The following SLC24A2 variants were observed in gnomAD, a reference collection of about 807,000 sequenced individuals.
The protein encoded by SLC24A2 is sodium/potassium/calcium exchanger 2.
Under a neutral mutation model 62.0 loss-of-function variants are expected in SLC24A2, and 36 were observed. That is an observed-to-expected ratio of 0.58 (90% confidence interval 0.44 to 0.77). SLC24A2 has a LOEUF of 0.77. SLC24A2 is among the 30% of genes least tolerant of loss of function. The pLI, the probability that SLC24A2 is intolerant of heterozygous loss-of-function variation, is 0.00. For synonymous variants in SLC24A2, 358 were observed against 294.0 expected (o/e 1.22, Z -2.23); for missense variants, 846 against 817.9 (o/e 1.03, Z -0.42).
At chr9:20,155,345 G>T in the SLC24A2 span, among the ~76,000 whole-genome samples, 34 of 151,782 alleles carry the variant, frequency 2.2e-4, no homozygotes, top group African/African-American at 8.2e-4. Flanking sequence ...TACACATAGA[G>T]AAAGCAAGGA....
chr9:20,119,164 G>T, the SLC24A2 span, among the ~76,000 whole-genome samples: 2 of 152,046 alleles, frequency 1.3e-5, no homozygotes, highest in African/African-American at 4.8e-5. Flanking sequence ...ACCTAATCAA[G>T]CTTGGAAGCA....
At chr9:20,130,006 C>G in the SLC24A2 span, among the ~76,000 whole-genome samples, 2 of 150,376 alleles carry the variant, frequency 1.3e-5, no homozygotes, top group East Asian at 3.9e-4. Flanking sequence ...GCCTGCAATT[C>G]TATTTCTTCT....
At chr9:20,213,919 T>C in the SLC24A2 span, among the ~76,000 whole-genome samples, 1 of 152,234 alleles carries the variant, frequency 6.6e-6, no homozygotes, top group Non-Finnish European at 1.5e-5. Flanking sequence ...TTTCACCCTG[T>C]GTTTCCCTTA....
At chr9:19,589,083 G>C (rs1402605055) in intron 5 of SLC24A2, among the ~76,000 whole-genome samples, 1 of 152,192 alleles carries the variant, frequency 6.6e-6, no homozygotes, top group African/African-American at 2.4e-5. Context: ...TATACTCTTT[G>C]ATCTGGCATT....
the SLC24A2 span, among the ~76,000 whole-genome samples, chr9:20,194,185 T>C: frequency 6.6e-6 from 1 of 152,100 alleles, no homozygotes; most frequent in Non-Finnish European, 1.5e-5. Flanking sequence ...AAAATGTCTT[T>C]TAAGCATGTC....
chr9:19,550,674 G>A (rs1282475838), intron 7 of SLC24A2, among the ~76,000 whole-genome samples: 1 of 149,772 alleles, frequency 6.7e-6, no homozygotes, highest in East Asian at 2.0e-4. Flanking sequence ...TCCTTGGGAA[G>A]GAGAGCACTG....
chr9:19,946,164 A>T, the SLC24A2 span, among the ~76,000 whole-genome samples: 1 of 152,200 alleles, frequency 6.6e-6, no homozygotes, highest in African/African-American at 2.4e-5. Context: ...GGCCATCCCT[A>T]TCACTAAGTC....
At chr9:19,523,659 C>T (rs999387758) in intron 9 of SLC24A2, among the ~76,000 whole-genome samples, 3 of 152,052 alleles carry the variant, frequency 2.0e-5, no homozygotes, top group Non-Finnish European at 4.4e-5. Context: ...GATGGGGTTT[C>T]ACCACGTTGG....
At chr9:19,567,108 TA>T (rs199952015) in intron 7 of SLC24A2, among the ~76,000 whole-genome samples, 3,093 of 121,622 alleles carry the variant, frequency 0.025, 103 homozygotes, top group African/African-American at 0.086. Context: ...TAAAGTATAA[TA>T]AAAAAAATAT....
chr9:20,202,165 G>A, the SLC24A2 span, among the ~76,000 whole-genome samples: 4 of 151,666 alleles, frequency 2.6e-5, no homozygotes, highest in Admixed American at 1.3e-4. Context: ...TGAAGCAGAA[G>A]AAGTGCTACT....
At chr9:19,575,316 G>C (rs1381729258) in intron 6 of SLC24A2, among the ~76,000 whole-genome samples, 1 of 152,146 alleles carries the variant, frequency 6.6e-6, no homozygotes, top group African/African-American at 2.4e-5. Context: ...AACTCTGTTT[G>C]GAGAATTCTA....
At chr9:20,196,900 C>T in the SLC24A2 span, among the ~76,000 whole-genome samples, 1 of 152,150 alleles carries the variant, frequency 6.6e-6, no homozygotes, top group Non-Finnish European at 1.5e-5. Flanking sequence ...TGCATATATG[C>T]CTTGTATAAA....
At chr9:19,838,391 T>C in the SLC24A2 span, among the ~76,000 whole-genome samples, 10 of 152,008 alleles carry the variant, frequency 6.6e-5, no homozygotes, top group Non-Finnish European at 1.2e-4. Flanking sequence ...ACTGGATCCC[T>C]TCCTTACACC....
At chr9:20,018,842 T>C in the SLC24A2 span, among the ~76,000 whole-genome samples, 151 of 152,108 alleles carry the variant, frequency 9.9e-4, 2 homozygotes, top group African/African-American at 2.9e-3. Flanking sequence ...GACTGGAGGA[T>C]TGCTTGAGGT....
chr9:19,975,296 C>G, the SLC24A2 span, among the ~76,000 whole-genome samples: 2 of 152,102 alleles, frequency 1.3e-5, no homozygotes, highest in African/African-American at 4.8e-5. Flanking sequence ...TCTGATGTCC[C>G]CTCTTAAATA....
At chr9:19,519,944 T>C (rs1042166431) in intron 10 of SLC24A2, among the ~76,000 whole-genome samples, 2 of 152,204 alleles carry the variant, frequency 1.3e-5, no homozygotes, top group Non-Finnish European at 2.9e-5. Context: ...CATTTACTAG[T>C]GTGAACTCTG....
chr9:19,879,421 G>A, the SLC24A2 span, among the ~76,000 whole-genome samples: 8 of 152,172 alleles, frequency 5.3e-5, no homozygotes, highest in East Asian at 3.9e-4. Context: ...AACCTATATA[G>A]AGCATCATAT....
intron 5 of SLC24A2, among the ~76,000 whole-genome samples, chr9:19,584,626 A>T (rs779506983): frequency 5.3e-5 from 8 of 151,260 alleles, no homozygotes; most frequent in African/African-American, 9.7e-5. Context: ...AAAAGCAAAA[A>T]TTTTTTTTTT....
chr9:19,824,472 A>T, the SLC24A2 span, among the ~76,000 whole-genome samples: 1 of 152,358 alleles, frequency 6.6e-6, no homozygotes, highest in East Asian at 1.9e-4. Context: ...ACAATGAGAT[A>T]CCATCTCATG....
Sources: gnomAD v4.1 joint callset for allele counts (sites outside exome capture counted in the v4.1 genomes callset) on GRCh38, gnomAD v4.1.1 for gene constraint, MANE v1.5 for transcripts, NCBI Gene and HGNC (gene_info 2026-07-23, HGNC 2026-07-21) for gene names.